CYTH1: variants seen among roughly 807,000 people sequenced by gnomAD.
The protein encoded by CYTH1 is cytohesin 1, also known as cytohesin-1.
A neutral mutation model predicts 61.8 loss-of-function variants in CYTH1; 18 were observed. That is an observed-to-expected ratio of 0.29 (90% CI 0.20 to 0.43). CYTH1 has a LOEUF of 0.43. CYTH1 is among the 20% of genes least tolerant of loss of function. The pLI is 1.00. For missense variants in CYTH1, 336 were observed against 510.5 expected, an observed-to-expected ratio of 0.66 and a Z score of 3.29; for synonymous variants, 174 against 184.3, an observed-to-expected ratio of 0.94 and a Z score of 0.45.
chr17:78,738,527 C>A (rs2093330008), intron 1 of CYTH1, among the ~76,000 whole-genome samples: 1 of 152,122 alleles, frequency 6.6e-6, no homozygotes, highest in South Asian at 2.1e-4. Flanking sequence ...TGTCTCCAGT[C>A]AGACTCTGAA....
At chr17:78,729,103 AAATT>A (rs2144583983) in intron 1 of CYTH1, among the ~76,000 whole-genome samples, 1 of 152,266 alleles carries the variant, frequency 6.6e-6, no homozygotes, top group South Asian at 2.1e-4. Flanking sequence ...ATCTTTTTTT[AAATT>A]AATTAACTTA....
intron 11 of CYTH1, among the ~76,000 whole-genome samples, chr17:78,686,045 CTT>C (rs1201644178): frequency 2.6e-5 from 4 of 152,202 alleles, no homozygotes; most frequent in Admixed American, 2.6e-4. Context: ...GCTTTTTCCT[CTT>C]TCTCAGGGAA....
intron 1 of CYTH1, among the ~76,000 whole-genome samples, chr17:78,751,623 T>C (rs1455273815): frequency 1.3e-5 from 2 of 152,194 alleles, no homozygotes; most frequent in Admixed American, 6.5e-5. Context: ...TCTGTGAATG[T>C]CCAGAAATGA....
chr17:78,771,924 T>TA (rs1279081288), intron 1 of CYTH1, among the ~76,000 whole-genome samples: 1 of 152,086 alleles, frequency 6.6e-6, no homozygotes, highest in Non-Finnish European at 1.5e-5. Context: ...ATCCCCTACA[T>TA]ACCCTTCACT....
intron 1 of CYTH1, among the ~76,000 whole-genome samples, chr17:78,712,768 CCTTTAGAGGCTGGA>C (rs1286410733): frequency 6.6e-6 from 1 of 152,086 alleles, no homozygotes; most frequent in Non-Finnish European, 1.5e-5. Context: ...AAACACTCTT[CCTTTAGAGGCTGGA>C]AGAGACAGCC....
At chr17:78,681,636 GGCACCGCAGACACTTCCA>G (rs2092763584) in intron 11 of CYTH1, among the ~76,000 whole-genome samples, 1 of 152,124 alleles carries the variant, frequency 6.6e-6, no homozygotes, top group South Asian at 2.1e-4. Flanking sequence ...CAGAGGGCAC[GGCACCGCAGACACTTCCA>G]GCACACGCCT....
chr17:78,701,281 A>G (rs906510752), intron 6 of CYTH1, among the ~76,000 whole-genome samples: 3 of 152,270 alleles, frequency 2.0e-5, no homozygotes, highest in African/African-American at 7.2e-5. Context: ...CTTAAAAGGC[A>G]TGAGGTAACA....
intron 1 of CYTH1, among the ~76,000 whole-genome samples, chr17:78,745,647 G>T (rs925223836): frequency 3.3e-5 from 5 of 152,130 alleles, no homozygotes; most frequent in African/African-American, 1.2e-4. Context: ...TAATCCCGGC[G>T]CTTTGGGAGG....
intron 1 of CYTH1, among the ~76,000 whole-genome samples, chr17:78,718,678 G>C (rs1427391932): frequency 1.3e-5 from 2 of 152,106 alleles, no homozygotes; most frequent in Non-Finnish European, 2.9e-5. Flanking sequence ...CAAAATACTG[G>C]AAACAACTCA....
chr17:78,728,505 G>A (rs781297267), intron 1 of CYTH1, among the ~76,000 whole-genome samples: 29 of 151,468 alleles, frequency 1.9e-4, no homozygotes, highest in African/African-American at 6.8e-4. Flanking sequence ...CCAAGACCAC[G>A]CCATTGCACT....
At chr17:78,756,975 TTTTC>T (rs1302585764) in intron 1 of CYTH1, among the ~76,000 whole-genome samples, 1 of 149,502 alleles carries the variant, frequency 6.7e-6, no homozygotes, top group African/African-American at 2.5e-5. Context: ...GTTTGAATTT[TTTTC>T]TTTTTTTTCT....
chr17:78,711,355 AC>A (rs2093130848), intron 1 of CYTH1, among the ~76,000 whole-genome samples: 1 of 151,724 alleles, frequency 6.6e-6, no homozygotes, highest in South Asian at 2.1e-4. Flanking sequence ...TTCTATAAAA[AC>A]AAAGGAAAAT....
At chr17:78,693,824 C>G (rs1200889317) in intron 10 of CYTH1, among the ~76,000 whole-genome samples, 2 of 152,156 alleles carry the variant, frequency 1.3e-5, no homozygotes, top group African/African-American at 4.8e-5. Flanking sequence ...CCACTCAAAA[C>G]TTATCCCTAA....
intron 1 of CYTH1, among the ~76,000 whole-genome samples, chr17:78,720,867 C>G (rs921589085): frequency 1.3e-5 from 2 of 151,654 alleles, no homozygotes; most frequent in Non-Finnish European, 2.9e-5. Flanking sequence ...AGAGAAAGAC[C>G]CTCTCTCAAA....
At chr17:78,751,352 A>G (rs1034141875) in intron 1 of CYTH1, among the ~76,000 whole-genome samples, 3 of 152,160 alleles carry the variant, frequency 2.0e-5, no homozygotes, top group African/African-American at 7.2e-5. Flanking sequence ...CTTCGCTAAC[A>G]TACTATATTT....
At chr17:78,690,371 G>C (rs2092868379) in intron 11 of CYTH1, among the ~76,000 whole-genome samples, 1 of 109,208 alleles carries the variant, frequency 9.2e-6, no homozygotes, top group Non-Finnish European at 1.7e-5. Context: ...TCCAGCCTGG[G>C]CAACAGAGCG....
At chr17:78,764,436 C>G (rs942233475) in intron 1 of CYTH1, among the ~76,000 whole-genome samples, 7 of 151,972 alleles carry the variant, frequency 4.6e-5, no homozygotes, top group African/African-American at 1.4e-4. Flanking sequence ...GCTAGGGTTA[C>G]AGATGTGAGC....
At chr17:78,753,529 A>ATAAG (rs149134431) in intron 1 of CYTH1, among the ~76,000 whole-genome samples, 66 of 151,958 alleles carry the variant, frequency 4.3e-4, no homozygotes, top group South Asian at 1.7e-3. Context: ...AAATAAATAA[A>ATAAG]TAAAGATAAC....
At chr17:78,773,361 G>T (rs1404836104) in intron 1 of CYTH1, among the ~76,000 whole-genome samples, 2 of 151,994 alleles carry the variant, frequency 1.3e-5, no homozygotes, top group Admixed American at 6.6e-5. Context: ...CAGGAGCGGT[G>T]GCTCACGCCT....
Sources: gnomAD v4.1 joint callset for allele counts (sites outside exome capture counted in the v4.1 genomes callset) on GRCh38, gnomAD v4.1.1 for gene constraint, MANE v1.5 for transcripts, NCBI Gene and HGNC (gene_info 2026-07-23, HGNC 2026-07-21) for gene names.